Variants in MYO7A observed in about 807,000 individuals in gnomAD.
The protein encoded by MYO7A is myosin VIIA, also known as unconventional myosin-VIIa.
Under a neutral mutation model 263.8 loss-of-function variants are expected in MYO7A, and 210 were observed. That is an observed-to-expected ratio of 0.80 (90% confidence interval 0.71 to 0.89). The LOEUF (loss-of-function observed/expected upper bound fraction) is 0.89, where lower values mean the gene tolerates loss of function less well. Among genes scored for constraint, MYO7A ranks in the 40% least tolerant of loss-of-function variants. The pLI, the probability that MYO7A is intolerant of heterozygous loss-of-function variation, is 0.00. For missense variants in MYO7A, 2,820 were observed against 2,968.3 expected, an observed-to-expected ratio of 0.95 and a Z score of 1.16; for synonymous variants, 1,239 against 1,197.3, an observed-to-expected ratio of 1.03 and a Z score of -0.72.
chr11:77,194,667 C>G, intron 32 of MYO7A, 143 bp downstream of exon 32: 1 of 870,440 alleles, frequency 1.1e-6, no homozygotes, highest in Non-Finnish European at 1.7e-6. Context: ...TGGACATCAG[C>G]TCACTCATTC....
In MYO7A at chr11:77,192,220, A is replaced by G; in HGVS notation, c.4094A>G (p.Asn1365Ser). Reference sequence around the variant, plus strand: ...CCCTCCGAGGACAACGTGGCCACCAACCTCATCTACCAGCAGGTGGTGCGA... The same window carrying G: ...CCCTCCGAGGACAACGTGGCCACCAGCCTCATCTACCAGCAGGTGGTGCGA... The part of the protein sequence containing the change: ...HSPSEDNVAT[N>S]LIYQQVVRGV... The change falls in exon 31 of 49, where the codon AAC (asparagine) becomes AGC (serine). Residue 1365 changes from asparagine (N) to serine (S), a missense_variant. Asn to Ser is a conservative substitution (Grantham distance 46). Coordinates refer to ENST00000409709, the MANE Select transcript of MYO7A (RefSeq NM_000260.4). The G allele has an allele frequency of 1.2e-6, 2 of 1,614,012 alleles. No individual in the cohort carries two copies. Among genetic ancestry groups the G allele is most frequent in the Non-Finnish European group, 1.7e-6 (2 of 1,179,884 alleles).
Position 77,172,974 on chromosome 11 carries a change from A to C in MYO7A, c.1935+89A>C, listed in dbSNP as rs1029212087. The C allele has an allele frequency of 3.4e-6, 5 of 1,455,364 alleles. No individual in the cohort carries two copies. The African/African-American group carries it at 7.1e-5, about 21-fold the overall frequency. 90.2% of individuals were successfully genotyped at this position (1,455,364 alleles called of 1,614,324 possible). On this transcript the variant is annotated intron_variant, in intron 16 of 48. Transcript: ENST00000409709. ...GAATAAGGTAGGGTGGGAGTGAAGG[A>C]TGTGAGACTTTGTCCCTTTGGGGAA...
At chr11:77,181,647 C>G in intron 23 of MYO7A, 58 bp downstream of exon 23, 1 of 1,530,748 alleles carries the variant, frequency 6.5e-7, no homozygotes, top group South Asian at 1.2e-5. Flanking sequence ...TGTTGATCCT[C>G]CCTCCTTCTG....
At chr11:77,211,452 T>C (rs2135787169) in intron 45 of MYO7A, 115 bp downstream of exon 45, 1 of 1,213,928 alleles carries the variant, frequency 8.2e-7, no homozygotes, top group Non-Finnish European at 1.1e-6. Context: ...CTTGTGGTTC[T>C]TGTACTTGAT....
rs1220715086 is a variant in MYO7A, at chr11:77,179,808, G to A, written c.2441G>A (p.Arg814His). The change falls in exon 21 of 49, where the codon CGC (arginine) becomes CAC (histidine). Residue 814 changes from arginine (R) to histidine (H), a missense_variant. By Grantham distance (29) the Arg-to-His change is conservative. Coordinates refer to ENST00000409709, the MANE Select transcript of MYO7A (RefSeq NM_000260.4). Reference sequence around the variant, plus strand: ...CTGCACCAGCAGTACCGCCTGGCCCGCCAGCGCATCATCCAGTTCCAGGCC... The same window carrying A: ...CTGCACCAGCAGTACCGCCTGGCCCACCAGCGCATCATCCAGTTCCAGGCC... ...RKLHQQYRLA[R>H]QRIIQFQARC... The A allele has an allele frequency of 1.2e-5, 19 of 1,547,604 alleles. No homozygotes were observed. The highest frequency in any genetic ancestry group is 6.8e-5 in the African/African-American group (5 of 73,194).
chr11:77,188,631 A>G (rs1955809448), intron 27 of MYO7A, among the ~76,000 whole-genome samples: 1 of 151,274 alleles, frequency 6.6e-6, no homozygotes, highest in African/African-American at 2.5e-5. Context: ...AAGCCCAGCA[A>G]TAATTGCAGC....
chr11:77,131,071 GCTGGAGCCCC>G (rs1296147716), intron 2 of MYO7A, among the ~76,000 whole-genome samples: 2 of 152,182 alleles, frequency 1.3e-5, no homozygotes, highest in African/African-American at 2.4e-5. Flanking sequence ...CAAGGCTTGA[GCTGGAGCCCC>G]CTGGGATTTT....
Position 77,199,759 on chromosome 11 carries a change from T to A in MYO7A, c.4793T>A (p.Leu1598Gln). The change falls in exon 35 of 49, where the codon CTA becomes CAA. Residue 1598 changes from leucine (L) to glutamine (Q), a missense_variant. Coordinates refer to ENST00000409709, the MANE Select transcript of MYO7A (RefSeq NM_000260.4). Reference sequence around the variant, plus strand: ...ATTCGTGACCTGGTGGTCACCTTCCTAGAGGGGCTCCGGAAGAGATCTAAG... The same window carrying A: ...ATTCGTGACCTGGTGGTCACCTTCCAAGAGGGGCTCCGGAAGAGATCTAAG... ...EDIRDLVVTF[L>Q]EGLRKRSKYV... 6.2e-7 allele frequency: 1 copy of A among 1,612,622 alleles called. No homozygotes were observed. The highest frequency in any genetic ancestry group is 8.5e-7 in the Non-Finnish European group (1 of 1,179,006).
chr11:77,196,334 C>T (rs1040264790), intron 32 of MYO7A, among the ~76,000 whole-genome samples: 1 of 150,742 alleles, frequency 6.6e-6, no homozygotes, highest in Non-Finnish European at 1.5e-5. Flanking sequence ...CCATTGCACT[C>T]CAGCCTGGGG....
rs782728522 is a variant in MYO7A, at chr11:77,160,205, C to T, written c.1123C>T (p.Leu375Phe). 8.9e-6 allele frequency: 14 copies of T among 1,580,244 alleles called. No homozygotes were observed. In the African/African-American group the frequency reaches 1.1e-4, roughly 12 times the overall value. ...DLMSCLTSRT[L>F]ITRGETVSTP... ...GATGAGCTGCCTGACTAGCCGCACC[C>T]TCATCACCCGCGGGGAGACGGTGTC... Residue 375 changes from leucine to phenylalanine, a missense_variant, in exon 11 of 49, where the codon CTC (leucine) becomes TTC (phenylalanine). Coordinates refer to ENST00000409709, the MANE Select transcript of MYO7A (RefSeq NM_000260.4).
In MYO7A at chr11:77,198,627, G is replaced by A; in HGVS notation, c.4568+6G>A. 6.2e-7 allele frequency: 1 copy of A among 1,613,632 alleles called. No individual in the cohort carries two copies. Among genetic ancestry groups the A allele is most frequent in the Non-Finnish European group, 8.5e-7 (1 of 1,179,812 alleles). On this transcript the variant is annotated splice_donor_region_variant and intron_variant, in intron 34 of 48. Coordinates refer to ENST00000409709, the MANE Select transcript of MYO7A (RefSeq NM_000260.4). ...ATGGCCGTGTCCAGCAGCAGGTGAG[G>A]AGGCCCGCATGGAGATGCAGACAGA...
At chr11:77,209,048 AG>A in intron 44 of MYO7A, 2 of 532,188 alleles carry the variant, frequency 3.8e-6, no homozygotes, top group Non-Finnish European at 6.8e-6. Flanking sequence ...CTACCTGTTC[AG>A]GCCCCTCCTT....
intron 40 of MYO7A, 28 bp from the exon 41 acceptor site, chr11:77,206,069 C>CCCCCTGCTG (rs758826334): frequency 2.1e-5 from 32 of 1,556,578 alleles, no homozygotes; most frequent in East Asian, 9.3e-5. Flanking sequence ...CACGCACATG[C>CCCCCTGCTG]CCCCTGCTGC....
At chr11:77,210,288 A>G (rs12795868) in intron 44 of MYO7A, among the ~76,000 whole-genome samples, 94,206 of 151,674 alleles carry the variant, frequency 0.62, 30,890 homozygotes, top group African/African-American at 0.85. Context: ...TTGGATTGAC[A>G]GATGGGTGAG....
intron 37 of MYO7A, 88 bp from the exon 38 acceptor site, chr11:77,202,971 TG>T (rs1555103305): frequency 7.6e-7 from 1 of 1,323,140 alleles, no homozygotes; most frequent in Non-Finnish European, 9.7e-7. Flanking sequence ...GACACAGGGA[TG>T]GGTGGGGGTG....
chr11:77,185,119 A>T, intron 27 of MYO7A: 1 of 362,030 alleles, frequency 2.8e-6, no homozygotes, highest in Non-Finnish European at 5.3e-6. Flanking sequence ...AAAAATGCTA[A>T]TGGTCATCTG....
chr11:77,185,734 C>T (rs1955599631), intron 27 of MYO7A, among the ~76,000 whole-genome samples: 1 of 152,202 alleles, frequency 6.6e-6, no homozygotes, highest in African/African-American at 2.4e-5. Context: ...ATAGTGAATA[C>T]TTTCCAGAAG....
At chr11:77,159,571 G>C (rs556934359) in intron 10 of MYO7A, 48 bp downstream of exon 10, 4 of 1,581,856 alleles carry the variant, frequency 2.5e-6, no homozygotes, top group East Asian at 2.2e-5. Flanking sequence ...CCCTCTGAAG[G>C]GTTGAGTTTA....
rs1231006188 is a variant in MYO7A, at chr11:77,182,466, G to A, written c.3151G>A (p.Asp1051Asn). The A allele has an allele frequency of 1.2e-6, 2 of 1,613,274 alleles. No homozygotes were observed. The highest frequency in any genetic ancestry group is 1.7e-6 in the Non-Finnish European group (2 of 1,179,834). ...VWITILRFMGDLPEPKYHTAM... is the reference protein window; with the variant it reads ...VWITILRFMGNLPEPKYHTAM... ...GATCACCATCCTCCGCTTCATGGGG[G>A]ACCTCCCTGAGCCCAAGTACCACAC... The change falls in exon 25 of 49, where the codon GAC becomes AAC. Residue 1051 changes from aspartate (D) to asparagine (N), a missense_variant. Asp to Asn is a conservative substitution (Grantham distance 23). Transcript: ENST00000409709.
Sources: allele counts gnomAD v4.1 joint callset (sites outside exome capture counted in the v4.1 genomes callset), GRCh38; gene constraint gnomAD v4.1.1; transcripts MANE v1.5; gene names NCBI Gene and HGNC (gene_info 2026-07-23, HGNC 2026-07-21).